Variants in PLCG1 observed in about 807,000 individuals in gnomAD.
The protein encoded by PLCG1 is 1-phosphatidylinositol 4,5-bisphosphate phosphodiesterase gamma-1.
PLCG1 carries 71 observed loss-of-function variants against 177.8 expected under a neutral mutation model. The observed-to-expected ratio is 0.40, with a 90% CI of 0.33 to 0.49. PLCG1 has a LOEUF of 0.49. Ranked by LOEUF, PLCG1 falls within the 20% of genes least tolerant of loss-of-function variation. The pLI is 0.72. For missense variants in PLCG1, 1,281 were observed against 1,709.0 expected, an observed-to-expected ratio of 0.75 and a Z score of 4.42; for synonymous variants, 658 against 647.9, an observed-to-expected ratio of 1.02 and a Z score of -0.24.
chr20:41,172,403 T>C lies in PLCG1; in HGVS notation c.2906-18T>C. On this transcript the variant is annotated intron_variant, in intron 25 of 31. Transcript: ENST00000685551. This position sits in a 1 kb window ranked among gnomAD's most constrained non-coding sequence, Gnocchi z 7.0. Reference sequence around the variant, plus strand: ...CTGGGTGGGCGGGCTCTGTAAGTGTTTTCCCTGTTTGGCCCAGAGATTGGC... The same window carrying C: ...CTGGGTGGGCGGGCTCTGTAAGTGTCTTCCCTGTTTGGCCCAGAGATTGGC... 1.2e-6 allele frequency: 2 copies of C among 1,612,080 alleles called. No homozygotes were observed. Among genetic ancestry groups the C allele is most frequent in the Non-Finnish European group, 1.7e-6 (2 of 1,178,160 alleles).
Position 41,172,685 on chromosome 20 carries a change from G to T in PLCG1, c.3130+40G>T, listed in dbSNP as rs564031383. ...TGTGAGGAGGGTGAGGAGGGGCACTGTGGGGCAGCTGGACTGGAATACACC... is the reference window on the plus strand; with the variant it reads ...TGTGAGGAGGGTGAGGAGGGGCACTTTGGGGCAGCTGGACTGGAATACACC... On this transcript the variant is annotated intron_variant, in intron 26 of 31. Transcript: ENST00000685551. The surrounding 1 kb of genome is among the most constrained non-coding windows in gnomAD (Gnocchi z 7.0). 2.5e-6 allele frequency: 4 copies of T among 1,612,830 alleles called. No homozygotes were observed. The Admixed American group carries it at 6.7e-5, about 27-fold the overall frequency.
chr20:41,164,349 C>T lies in PLCG1; in HGVS notation c.1217+148C>T. 1 of 754,644 alleles carries T rather than the reference C, an allele frequency of 1.3e-6. No homozygotes were observed. 46.7% of individuals were successfully genotyped at this position (754,644 alleles called of 1,614,324 possible). A position where few individuals can be genotyped will look rare whatever the true frequency, so the allele number is the denominator to read the frequency against. ...CCTTCCTCTTGGCCTCTCCTCGTCA[C>T]CTGCTCCCTGCTTGAGCTGTTGCTT... is the stretch of plus-strand genomic sequence containing the variant. On this transcript the variant is annotated intron_variant, in intron 12 of 31. Transcript: ENST00000685551. The surrounding 1 kb of genome is among the most constrained non-coding windows in gnomAD (Gnocchi z 6.4).
intron 24 of PLCG1, among the ~76,000 whole-genome samples, chr20:41,171,939 A>G (rs1425184826): frequency 2.0e-5 from 3 of 152,180 alleles, no homozygotes; most frequent in African/African-American, 7.2e-5. Flanking sequence ...AGGAGTCTGT[A>G]TCCCCCACCC....
In PLCG1 at chr20:41,148,003, C is replaced by A. The variant is rs1231605351; in HGVS notation, c.217+10145C>A. ...GAACAGGAGAGTGGCTTGGCTTGGG[C>A]TGGCATGGCGCAAAGGGAGTGCAGC... is the stretch of plus-strand genomic sequence containing the variant. On this transcript the variant is annotated intron_variant, in intron 1 of 31. Coordinates refer to ENST00000685551, the MANE Select transcript of PLCG1 (RefSeq NM_002660.3). The surrounding 1 kb of genome is among the most constrained non-coding windows in gnomAD (Gnocchi z 4.3). Among the ~76,000 whole-genome samples the A allele has an allele frequency of 2.6e-5, 4 of 152,132 alleles. No homozygotes were observed. The highest frequency in any genetic ancestry group is 9.7e-5 in the African/African-American group (4 of 41,432).
At position 41,159,984 on chromosome 20, in the gene PLCG1, G is replaced by C. The variant is rs956427407; in HGVS notation, c.464+21G>C. 6.2e-7 allele frequency: 1 copy of C among 1,608,278 alleles called. No homozygotes were observed. The highest frequency in any genetic ancestry group is 1.7e-5 in the Admixed American group (1 of 60,028). On this transcript the variant is annotated intron_variant, in intron 3 of 31. Transcript: ENST00000685551. The surrounding 1 kb of genome is among the most constrained non-coding windows in gnomAD (Gnocchi z 6.0). ...GAGAGGTAAGAACCACTCCTGAAGG[G>C]GTTAGGGCTGGGAGCATTAGGGACC...
Position 41,173,911 on chromosome 20 carries a change from TC to T in PLCG1, c.3557-10del, listed in dbSNP as rs775417521. 1.2e-6 allele frequency: 2 copies of T among 1,613,486 alleles called. No individual in the cohort carries two copies. The highest frequency in any genetic ancestry group is 2.2e-5 in the South Asian group (2 of 91,062). ...CCTCGTGGGCTGAGGGCCAGGCTTTTCCTCCTCCTAGGATACAGAGCAGTGC... is the reference window on the plus strand; with the variant it reads ...CCTCGTGGGCTGAGGGCCAGGCTTTTCTCCTCCTAGGATACAGAGCAGTGC... On this transcript the variant is annotated splice_polypyrimidine_tract_variant and intron_variant, in intron 29 of 31. Transcript: ENST00000685551. The surrounding 1 kb of genome is among the most constrained non-coding windows in gnomAD (Gnocchi z 6.2).
Position 41,169,131 on chromosome 20 carries a change from G to A in PLCG1, c.2536G>A (p.Val846Met), listed in dbSNP as rs1393342515. 1.9e-6 allele frequency: 3 copies of A among 1,614,064 alleles called. No individual in the cohort carries two copies. The highest frequency in any genetic ancestry group is 2.5e-6 in the Non-Finnish European group (3 of 1,179,900). Residue 846 changes from valine to methionine, a missense_variant, in exon 22 of 32, where the codon GTG (valine) becomes ATG (methionine). Transcript: ENST00000685551. The stretch of plus-strand genomic sequence containing the variant: ...GCAGCTGTGGTTCCCATCAAACTAC[G>A]TGGAAGAGATGGTCAACCCCGTGGC... ...KKQLWFPSNY[V>M]EEMVNPVALE... is the part of the protein sequence containing the mutation.
At position 41,162,474 on chromosome 20, in the gene PLCG1, A is replaced by C. The variant is rs1367251299; in HGVS notation, c.535A>C (p.Asn179His). The change falls in exon 5 of 32, where the codon AAC becomes CAC. Residue 179 changes from asparagine (N) to histidine (H), a missense_variant. Asn to His is a moderately conservative substitution (Grantham distance 68). Around this residue, in one of 4 missense-constraint regions of PLCG1, gnomAD observed 374 missense variants for 443.8 expected, o/e 0.84. Coordinates refer to ENST00000685551, the MANE Select transcript of PLCG1 (RefSeq NM_002660.3). Reference protein sequence around the residue: ...EDRISAKDLKNMLSQVNYRVP... With the variant: ...EDRISAKDLKHMLSQVNYRVP... ...CAGTATATCAGCCAAGGACCTGAAGAACATGCTGTCCCAGGTCAACTACCG... is the reference window on the plus strand; with the variant it reads ...CAGTATATCAGCCAAGGACCTGAAGCACATGCTGTCCCAGGTCAACTACCG... 6.2e-7 allele frequency: 1 copy of C among 1,613,564 alleles called. No individual in the cohort carries two copies. Among genetic ancestry groups the C allele is most frequent in the African/African-American group, 1.3e-5 (1 of 74,842 alleles).
chr20:41,152,118 T>C (rs1473743001), intron 1 of PLCG1, among the ~76,000 whole-genome samples: 1 of 152,118 alleles, frequency 6.6e-6, no homozygotes, highest in Admixed American at 6.5e-5. Context: ...GTATTTTCTT[T>C]GGTATGGGAG....
rs973329888 is a variant in PLCG1 at position 41,169,299 on chromosome 20, C to T, written c.2580+124C>T. 3.2e-6 allele frequency: 3 copies of T among 947,582 alleles called. No individual in the cohort carries two copies. The African/African-American group carries it at 4.8e-5, about 15-fold the overall frequency. The allele number at this position is 947,582 out of a possible 1,614,324, so 58.7% of individuals were successfully genotyped here. A position where few individuals can be genotyped will look rare whatever the true frequency, so the allele number is the denominator to read the frequency against. On this transcript the variant is annotated intron_variant, in intron 22 of 31. Transcript: ENST00000685551. ...ACACCTGTCACATGGGCTGGTCGCA[C>T]AGCCCATGTGGCCATGCACGTAGTC...
chr20:41,167,083 G>A lies in PLCG1; in HGVS notation c.2301+224G>A, dbSNP rs35927516. Among the ~76,000 whole-genome samples the A allele has an allele frequency of 6.6e-6, 1 of 152,176 alleles. No individual in the cohort carries two copies. Among genetic ancestry groups the A allele is most frequent in the Non-Finnish European group, 1.5e-5 (1 of 68,040 alleles). ...GATGGGGACAGGCACATAAGCAGAG[G>A]GTTCCTCATGAGTCAAGATGTGGAG... On this transcript the variant is annotated intron_variant, in intron 19 of 31. Transcript: ENST00000685551. The surrounding 1 kb of genome is among the most constrained non-coding windows in gnomAD (Gnocchi z 4.4).
chr20:41,170,050 T>TGGAGTGGGGTGGAG, intron 23 of PLCG1, 62 bp from the exon 24 acceptor site: 1 of 1,439,746 alleles, frequency 6.9e-7, no homozygotes, highest in Non-Finnish European at 9.6e-7. Flanking sequence ...GCCTGCGGTG[T>TGGAGTGGGGTGGAG]GGAGTGGGGT....
At chr20:41,168,643 C>T (rs770174827) in intron 20 of PLCG1, 124 bp from the exon 21 acceptor site, 53 of 649,150 alleles carry the variant, frequency 8.2e-5, no homozygotes, top group Non-Finnish European at 1.4e-4. Context: ...ATGGCAGTGT[C>T]ATCTCCCACT....
chr20:41,164,830 A>G lies in PLCG1; in HGVS notation c.1218-103A>G. 1 of 1,150,918 alleles carries G rather than the reference A, an allele frequency of 8.7e-7. No individual in the cohort carries two copies. Among genetic ancestry groups the G allele is most frequent in the Non-Finnish European group, 1.2e-6 (1 of 804,508 alleles). 71.3% of individuals were successfully genotyped at this position (1,150,918 alleles called of 1,614,324 possible). On this transcript the variant is annotated intron_variant, in intron 12 of 31. Transcript: ENST00000685551. The surrounding 1 kb of genome is among the most constrained non-coding windows in gnomAD (Gnocchi z 6.4). ...TTTTCTGGGATAGTTTTTACAGACA[A>G]GAAGCCCCCAGGCCCTTGGCTTCCA...
At chr20:41,152,324 G>T (rs2035190421) in intron 1 of PLCG1, among the ~76,000 whole-genome samples, 1 of 152,254 alleles carries the variant, frequency 6.6e-6, no homozygotes, top group East Asian at 1.9e-4. Context: ...TTTTCCCAAA[G>T]CTCTGTTAGC....
Position 41,172,399 on chromosome 20 carries a change from G to T in PLCG1, c.2906-22G>T, listed in dbSNP as rs760469285. On this transcript the variant is annotated intron_variant, in intron 25 of 31. Coordinates refer to ENST00000685551, the MANE Select transcript of PLCG1 (RefSeq NM_002660.3). The surrounding 1 kb of genome is among the most constrained non-coding windows in gnomAD (Gnocchi z 7.0). ...CTTCCTGGGTGGGCGGGCTCTGTAAGTGTTTTCCCTGTTTGGCCCAGAGAT... is the reference window on the plus strand; with the variant it reads ...CTTCCTGGGTGGGCGGGCTCTGTAATTGTTTTCCCTGTTTGGCCCAGAGAT... 1.9e-6 allele frequency: 3 copies of T among 1,609,642 alleles called. No homozygotes were observed. Among genetic ancestry groups the T allele is most frequent in the East Asian group, 4.5e-5 (2 of 44,870 alleles).
chr20:41,145,840 T>C (rs1250881317), intron 1 of PLCG1, among the ~76,000 whole-genome samples: 1 of 152,192 alleles, frequency 6.6e-6, no homozygotes, highest in Non-Finnish European at 1.5e-5. Flanking sequence ...TCTACTTGCA[T>C]TCCTGGCTAA....
In PLCG1 at chr20:41,167,048, C is replaced by T. The variant is rs942843108; in HGVS notation, c.2301+189C>T. Among the ~76,000 whole-genome samples, 3 of 152,164 alleles carry T rather than the reference C, an allele frequency of 2.0e-5. No homozygotes were observed. Among genetic ancestry groups the T allele is most frequent in the African/African-American group, 4.8e-5 (2 of 41,430 alleles). On this transcript the variant is annotated intron_variant, in intron 19 of 31. Coordinates refer to ENST00000685551, the MANE Select transcript of PLCG1 (RefSeq NM_002660.3). The surrounding 1 kb of genome is among the most constrained non-coding windows in gnomAD (Gnocchi z 4.4). Reference sequence around the variant, plus strand: ...TCTGCAGGAGGGGACATCTGAGCAGCATCTTTAAGGATGGGGACAGGCACA... The same window carrying T: ...TCTGCAGGAGGGGACATCTGAGCAGTATCTTTAAGGATGGGGACAGGCACA...
Position 41,166,512 on chromosome 20 carries a change from G to A in PLCG1, c.2037G>A (p.Glu679=), listed in dbSNP as rs1416989154. 3.7e-6 allele frequency: 6 copies of A among 1,614,020 alleles called. No individual in the cohort carries two copies. The highest frequency in any genetic ancestry group is 5.1e-6 in the Non-Finnish European group (6 of 1,180,046). Residue 679 remains glutamate, a synonymous_variant, in exon 18 of 32, where the codon GAG becomes GAA. Transcript: ENST00000685551. The surrounding 1 kb of genome is among the most constrained non-coding windows in gnomAD (Gnocchi z 8.6). Reference sequence around the variant, plus strand: ...CGAGCCTGACCAGAGCACAGGCTGAGCACATGCTAATGCGCGTCCCTCGTG... The same window carrying A: ...CGAGCCTGACCAGAGCACAGGCTGAACACATGCTAATGCGCGTCCCTCGTG... ...YHASLTRAQA[E]HMLMRVPRDG...
Sources: gnomAD v4.1 joint callset for allele counts (sites outside exome capture counted in the v4.1 genomes callset) on GRCh38, gnomAD v4.1.1 for gene constraint, gnomAD v4.1.1 regional missense constraint, Gnocchi (gnomAD v3.1) non-coding constraint, MANE v1.5 for transcripts, NCBI Gene and HGNC (gene_info 2026-07-23, HGNC 2026-07-21) for gene names.